F8: variants seen among roughly 807,000 people sequenced by gnomAD.
F8 encodes antihemophilic factor.
In F8, 12 loss-of-function variants were observed where a neutral mutation model predicts 140.6. The observed-to-expected ratio is 0.09, with a 90% confidence interval of 0.05 to 0.14. The LOEUF (loss-of-function observed/expected upper bound fraction) is 0.14. Ranked by LOEUF, F8 falls within the 10% of genes least tolerant of loss-of-function variation. The pLI, the probability that F8 is intolerant of heterozygous loss-of-function variation, is 1.00. For missense variants in F8, 1,354 were observed against 1,720.7 expected, an observed-to-expected ratio of 0.79 and a Z score of 3.77; for synonymous variants, 585 against 614.6, an observed-to-expected ratio of 0.95 and a Z score of 0.71.
intron 13 of F8, among the ~76,000 whole-genome samples, chrX:154,934,114 T>G (rs1369847676): frequency 1.8e-5 from 2 of 111,368 alleles, no homozygotes; most frequent in African/African-American, 6.5e-5. Context: ...TTTCAGAAAT[T>G]GCTGCAAATA....
At chrX:154,847,710 G>T (rs1195418652) in intron 25 of F8, among the ~76,000 whole-genome samples, 1 of 111,658 alleles carries the variant, frequency 9.0e-6, no homozygotes, top group Non-Finnish European at 1.9e-5. Flanking sequence ...AAGGTTTTTA[G>T]CTTCTTTGTG....
rs1557276192 is a variant in F8, at chrX:154,904,693, G to C, written c.5586+118C>G. 3 of 729,035 alleles carry C rather than the reference G, an allele frequency of 4.1e-6. No individual in the cohort carries two copies. In the East Asian group the frequency reaches 1.0e-4, roughly 24 times the overall value. 60.1% of individuals were successfully genotyped at this position (729,035 alleles called of 1,213,427 possible). A position where few individuals can be genotyped will look rare whatever the true frequency, so the allele number is the denominator to read the frequency against. ...GACATTTCTAAAACACAAATATAAT[G>C]ATCAACTCTCCTATTTAAAGCTTCT... On this transcript the variant is annotated intron_variant, in intron 16 of 25. Coordinates refer to ENST00000360256, the MANE Select transcript of F8 (RefSeq NM_000132.4).
At chrX:154,874,039 A>G (rs2072794237) in intron 22 of F8, among the ~76,000 whole-genome samples, 1 of 112,840 alleles carries the variant, frequency 8.9e-6, no homozygotes, top group South Asian at 3.5e-4. Flanking sequence ...AATAATCAAC[A>G]GAGTGAAAAG....
chrX:154,876,278 C>A (rs1177184034), intron 22 of F8, among the ~76,000 whole-genome samples: 1 of 109,822 alleles, frequency 9.1e-6, no homozygotes, highest in Admixed American at 9.7e-5. Flanking sequence ...CACCACCACA[C>A]CCAGCTAATG....
intron 1 of F8, among the ~76,000 whole-genome samples, chrX:155,003,960 C>CA (rs869097926): frequency 0.047 from 1,545 of 32,806 alleles, 41 homozygotes; most frequent in African/African-American, 0.068. Context: ...GATTCTGTCT[C>CA]AAAAAAAAAA....
chrX:154,969,877 CCTT>C (rs1557282424), intron 6 of F8, among the ~76,000 whole-genome samples: 2 of 111,773 alleles, frequency 1.8e-5, no homozygotes, highest in African/African-American at 6.5e-5. Context: ...TCAGACTGCT[CCTT>C]CTTCTGTCTC....
At chrX:154,977,281 A>G (rs1557283093) in intron 6 of F8, 1 of 111,527 alleles carries the variant, frequency 9.0e-6, no homozygotes, top group Non-Finnish European at 1.9e-5. Context: ...TAATCTTCCT[A>G]CTAAGGATAT....
chrX:154,840,448 T>G (rs1603431013), intron 25 of F8, among the ~76,000 whole-genome samples: 2 of 111,930 alleles, frequency 1.8e-5, no homozygotes, highest in East Asian at 5.6e-4. Flanking sequence ...GGCAGTTTCC[T>G]TGATCCAGCC....
At chrX:154,852,233 TA>T (rs1293854459) in intron 25 of F8, among the ~76,000 whole-genome samples, 5 of 110,322 alleles carry the variant, frequency 4.5e-5, no homozygotes, top group Admixed American at 9.7e-5. Flanking sequence ...TCATGCCAGC[TA>T]ATTTTTTTTT....
intron 9 of F8, 73 bp downstream of exon 9, chrX:154,965,897 G>C (rs1378738660): frequency 1.0e-6 from 1 of 995,849 alleles, no homozygotes; most frequent in African/African-American, 1.9e-5. Context: ...GCTGAATTAT[G>C]AGGTATTTTA....
chrX:154,925,899 G>A (rs1166734085), intron 14 of F8, among the ~76,000 whole-genome samples: 1 of 111,831 alleles, frequency 8.9e-6, no homozygotes, highest in Admixed American at 9.4e-5. Flanking sequence ...TGAAATGTGA[G>A]GACACGAGAT....
Position 154,928,944 on chromosome X carries a change from T to C in F8, c.4846A>G (p.Thr1616Ala), listed in dbSNP as rs781987290. The change falls in exon 14 of 26, where the codon ACC (threonine) becomes GCC (alanine). Residue 1616 changes from threonine to alanine, a missense_variant. By Grantham distance (58) the Thr-to-Ala change is moderately conservative. Coordinates refer to ENST00000360256, the MANE Select transcript of F8 (RefSeq NM_000132.4). ...PEKTAFKKKD[T>A]ILSLNACESN... ...TCACAAGCGTTCAGGGACAAAATGGTATCCTTTTTCTTAAAAGCTGTTTTT... is the reference window on the plus strand; with the variant it reads ...TCACAAGCGTTCAGGGACAAAATGGCATCCTTTTTCTTAAAAGCTGTTTTT... The C allele has an allele frequency of 2.2e-5, 27 of 1,209,992 alleles. No individual in the cohort carries two copies. Among genetic ancestry groups the C allele is most frequent in the South Asian group, 1.1e-4 (6 of 56,813 alleles).
At chrX:155,005,600 G>C (rs2073672702) in intron 1 of F8, among the ~76,000 whole-genome samples, 1 of 111,831 alleles carries the variant, frequency 8.9e-6, no homozygotes, top group African/African-American at 3.3e-5. Context: ...AATCCTGAAG[G>C]AACCATTCCA....
chrX:154,862,517 C>T (rs903998359), intron 23 of F8, among the ~76,000 whole-genome samples: 1 of 111,212 alleles, frequency 9.0e-6, no homozygotes, highest in Admixed American at 9.6e-5. Flanking sequence ...GTAGTGAGTG[C>T]AGTACACAAT....
Position 154,863,155 on chromosome X carries a change from T to C in F8, c.6502A>G (p.Ile2168Val). 1 of 1,208,925 alleles carries C rather than the reference T, an allele frequency of 8.3e-7. No individual in the cohort carries two copies. The highest frequency in any genetic ancestry group is 1.7e-5 in the African/African-American group (1 of 57,744). Residue 2168 changes from isoleucine (I) to valine (V), a missense_variant, in exon 23 of 26, where the codon ATC becomes GTC. By Grantham distance (29) the Ile-to-Val change is conservative (BLOSUM62 3). Transcript: ENST00000360256. ...IFNPPIIARYIRLHPTHYSIR... is the reference protein window; with the variant it reads ...IFNPPIIARYVRLHPTHYSIR... ...CTATAATGAGTTGGGTGCAAACGGA[T>C]GTATCGAGCAATAATTGGAGGGTTA...
intron 23 of F8, 69 bp from the exon 24 acceptor site, chrX:154,861,935 C>T (rs782016351): frequency 2.8e-6 from 3 of 1,066,411 alleles, no homozygotes; most frequent in African/African-American, 3.7e-5. Context: ...GAGCAGCTTC[C>T]ACTGATATTC....
Position 154,855,661 on chromosome X carries a change from T to G in F8, c.6900+4771A>C, listed in dbSNP as rs781902690. ...TGTGGTGGCAGTATCTCTACTCCAG[T>G]CTAAGTGGATTAACCCTGCACTGCC... On this transcript the variant is annotated intron_variant, in intron 25 of 25. Coordinates refer to ENST00000360256, the MANE Select transcript of F8 (RefSeq NM_000132.4). Among the ~76,000 whole-genome samples, 245 of 110,874 alleles carry G rather than the reference T, an allele frequency of 2.2e-3. 1 individual carries two copies. The highest frequency in any genetic ancestry group is 4.1e-3 in the Non-Finnish European group (216 of 52,945).
intron 12 of F8, among the ~76,000 whole-genome samples, chrX:154,948,367 A>G (rs1283419837): frequency 1.4e-4 from 16 of 111,904 alleles, no homozygotes; most frequent in Admixed American, 1.9e-4. Flanking sequence ...CCAGTTGTAA[A>G]TTATGGAAAT....
intron 6 of F8, among the ~76,000 whole-genome samples, chrX:154,981,958 G>A (rs1014410974): frequency 2.7e-5 from 3 of 111,566 alleles, no homozygotes; most frequent in Non-Finnish European, 5.6e-5. Context: ...GGCCAAGGCG[G>A]GCAGATCACG....
Sources: gnomAD v4.1 joint callset for allele counts (sites outside exome capture counted in the v4.1 genomes callset) on GRCh38, gnomAD v4.1.1 for gene constraint, MANE v1.5 for transcripts, NCBI Gene and HGNC (gene_info 2026-07-23, HGNC 2026-07-21) for gene names.